The following KIAA1328 variants were observed in gnomAD, a reference collection of about 807,000 sequenced individuals.
KIAA1328 encodes protein hinderin.
A neutral mutation model predicts 68.1 loss-of-function variants in KIAA1328; 52 were observed. The observed-to-expected ratio is 0.76, with a 90% CI of 0.61 to 0.96. The LOEUF (loss-of-function observed/expected upper bound fraction) is 0.96. Among genes scored for constraint, KIAA1328 ranks in the 40% least tolerant of loss-of-function variants. The pLI is 0.00. For synonymous variants in KIAA1328, 232 were observed against 239.4 expected (o/e 0.97, Z 0.28); for missense variants, 641 against 677.6 (o/e 0.95, Z 0.60).
intron 3 of KIAA1328, among the ~76,000 whole-genome samples, chr18:36,839,246 T>C (rs975539785): frequency 6.6e-6 from 1 of 152,228 alleles, no homozygotes; most frequent in Non-Finnish European, 1.5e-5. Context: ...TTCATATTTT[T>C]TTCATTAAAA....
intron 4 of KIAA1328, among the ~76,000 whole-genome samples, chr18:36,853,918 A>G (rs892293642): frequency 6.6e-6 from 1 of 152,120 alleles, no homozygotes; most frequent in African/African-American, 2.4e-5. Flanking sequence ...TCAGCCTCCC[A>G]AAGTGCTGGG....
chr18:37,073,858 A>C (rs2056617478), intron 7 of KIAA1328, among the ~76,000 whole-genome samples: 1 of 152,150 alleles, frequency 6.6e-6, no homozygotes, highest in Non-Finnish European at 1.5e-5. Context: ...CGTTTATGTG[A>C]TCTTGACACT....
intron 7 of KIAA1328, among the ~76,000 whole-genome samples, chr18:37,146,395 T>A (rs2058902055): frequency 6.6e-6 from 1 of 152,326 alleles, no homozygotes; most frequent in Non-Finnish European, 1.5e-5. Flanking sequence ...TCCAGCTCCA[T>A]CCATGTTCCC....
intron 7 of KIAA1328, among the ~76,000 whole-genome samples, chr18:37,110,246 C>T (rs536870767): frequency 1.1e-4 from 16 of 152,070 alleles, no homozygotes; most frequent in African/African-American, 3.9e-4. Context: ...AAAAAAAAAT[C>T]TGTAAATGTA....
chr18:37,023,339 C>CA (rs1449728412), intron 6 of KIAA1328, among the ~76,000 whole-genome samples: 1 of 152,194 alleles, frequency 6.6e-6, no homozygotes, highest in African/African-American at 2.4e-5. Context: ...CTCAGCCCCC[C>CA]AAGTAGCTGG....
chr18:37,219,069 G>T (rs539645512), intron 9 of KIAA1328, among the ~76,000 whole-genome samples: 2 of 152,304 alleles, frequency 1.3e-5, no homozygotes, highest in South Asian at 2.1e-4. Context: ...ACAGTCAGGT[G>T]TCTCAGCTGC....
chr18:36,854,951 C>G (rs2047334898), intron 4 of KIAA1328, among the ~76,000 whole-genome samples: 1 of 152,100 alleles, frequency 6.6e-6, no homozygotes, highest in African/African-American at 2.4e-5. Context: ...ACAATGTTTT[C>G]AAGGTGAATC....
At chr18:36,944,178 T>C (rs2050810091) in intron 5 of KIAA1328, among the ~76,000 whole-genome samples, 1 of 152,188 alleles carries the variant, frequency 6.6e-6, no homozygotes, top group African/African-American at 2.4e-5. Context: ...GTTTGTAAAA[T>C]GGGACTGCTG....
At chr18:36,929,385 G>A (rs2050233259) in intron 5 of KIAA1328, among the ~76,000 whole-genome samples, 1 of 151,276 alleles carries the variant, frequency 6.6e-6, no homozygotes, top group Admixed American at 6.6e-5. Flanking sequence ...TGTGGTTTGA[G>A]TTATTCTAGT....
chr18:36,885,919 G>T (rs1170852805), intron 5 of KIAA1328: 3 of 441,108 alleles, frequency 6.8e-6, no homozygotes, highest in Admixed American at 8.5e-5. Flanking sequence ...GTTTCACCTT[G>T]TTGGCCAGGC....
chr18:37,126,818 A>G (rs1463823894), intron 7 of KIAA1328, among the ~76,000 whole-genome samples: 4 of 152,164 alleles, frequency 2.6e-5, no homozygotes, highest in Non-Finnish European at 5.9e-5. Context: ...ATGATTTACT[A>G]TATCATCAGG....
At chr18:36,864,573 T>C (rs1292063350) in intron 4 of KIAA1328, among the ~76,000 whole-genome samples, 1 of 150,500 alleles carries the variant, frequency 6.6e-6, no homozygotes, top group Admixed American at 6.7e-5. Flanking sequence ...GTTTGTAATT[T>C]TTATATCAAA....
intron 8 of KIAA1328, 126 bp from the exon 9 acceptor site, chr18:37,172,847 C>A (rs2059526834): frequency 1.8e-5 from 10 of 563,658 alleles, no homozygotes; most frequent in Non-Finnish European, 3.0e-6. Context: ...TGTTACATTT[C>A]AGGGAAACAA....
At chr18:37,003,681 G>A (rs1165415865) in intron 6 of KIAA1328, among the ~76,000 whole-genome samples, 1 of 151,922 alleles carries the variant, frequency 6.6e-6, no homozygotes, top group East Asian at 1.9e-4. Context: ...GTCTAGAAAG[G>A]GTTTTCGATG....
chr18:36,970,864 G>A (rs997596723), intron 6 of KIAA1328, among the ~76,000 whole-genome samples: 1 of 152,162 alleles, frequency 6.6e-6, no homozygotes, highest in African/African-American at 2.4e-5. Context: ...TCATGAAAAT[G>A]GCCGCAATGC....
At chr18:36,869,145 A>C (rs1356456136) in intron 4 of KIAA1328, among the ~76,000 whole-genome samples, 1 of 151,810 alleles carries the variant, frequency 6.6e-6, no homozygotes, top group Non-Finnish European at 1.5e-5. Flanking sequence ...TTACATAGAA[A>C]ATTTTAAGAA....
intron 7 of KIAA1328, among the ~76,000 whole-genome samples, chr18:37,135,889 A>G (rs563638980): frequency 8.5e-5 from 13 of 152,140 alleles, no homozygotes; most frequent in Admixed American, 2.0e-4. Flanking sequence ...CGGTTACCCA[A>G]TCATCATTAT....
intron 6 of KIAA1328, among the ~76,000 whole-genome samples, chr18:36,972,202 G>A (rs1445176222): frequency 6.6e-6 from 1 of 152,122 alleles, no homozygotes; most frequent in Non-Finnish European, 1.5e-5. Flanking sequence ...ATGATGATGG[G>A]ACAATTGAAC....
intron 6 of KIAA1328, among the ~76,000 whole-genome samples, chr18:37,016,489 A>G (rs562978323): frequency 3.0e-4 from 45 of 152,108 alleles, no homozygotes; most frequent in African/African-American, 9.9e-4. Context: ...TGGCTTTGTA[A>G]AGTCCCTCCT....
Sources: allele counts gnomAD v4.1 joint callset (sites outside exome capture counted in the v4.1 genomes callset), GRCh38; gene constraint gnomAD v4.1.1; transcripts MANE v1.5; gene names NCBI Gene and HGNC (gene_info 2026-07-23, HGNC 2026-07-21).